Variants in PHF2 observed in about 807,000 individuals in gnomAD.
PHF2 encodes the protein lysine-specific demethylase PHF2.
Under a neutral mutation model 120.5 loss-of-function variants are expected in PHF2, and 27 were observed. The observed-to-expected ratio is 0.22, with a 90% confidence interval of 0.17 to 0.31. PHF2 has a LOEUF of 0.31. Among genes scored for constraint, PHF2 ranks in the 10% least tolerant of loss-of-function variants. The pLI, the probability that PHF2 is intolerant of heterozygous loss-of-function variation, is 1.00. For missense variants in PHF2, 1,024 were observed against 1,434.8 expected (o/e 0.71, Z 4.63); for synonymous variants, 568 against 592.5 (o/e 0.96, Z 0.60).
chr9:93,615,234 G>A (rs1825710512), intron 1 of PHF2, among the ~76,000 whole-genome samples: 1 of 150,518 alleles, frequency 6.6e-6, no homozygotes, highest in African/African-American at 2.5e-5. Flanking sequence ...TAATGGTGAT[G>A]GTGATGGTGT....
rs140314919 is a variant in PHF2, at chr9:93,627,923, C to A, written c.99-2047C>A. Among the ~76,000 whole-genome samples, 357 of 152,342 alleles carry A rather than the reference C, an allele frequency of 2.3e-3. 3 individuals are homozygous for A. Among genetic ancestry groups the A allele is most frequent in the African/African-American group, 7.9e-3 (329 of 41,580 alleles). On this transcript the variant is annotated intron_variant, in intron 1 of 21. Transcript: ENST00000359246. Reference sequence around the variant, plus strand: ...CCTGCTGCTTCTTGTATTTTACCCACTTGGGGAGATCTGTCCTCCAGGGTG... The same window carrying A: ...CCTGCTGCTTCTTGTATTTTACCCAATTGGGGAGATCTGTCCTCCAGGGTG...
At chr9:93,593,157 C>T (rs4146138) in intron 1 of PHF2, among the ~76,000 whole-genome samples, 21,125 of 149,292 alleles carry the variant, frequency 0.14, 3,313 homozygotes, top group African/African-American at 0.38. Flanking sequence ...TCCAGCAGGA[C>T]GGGACATGGC....
At chr9:93,607,039 CT>C (rs1825553928) in intron 1 of PHF2, among the ~76,000 whole-genome samples, 1 of 152,138 alleles carries the variant, frequency 6.6e-6, no homozygotes, top group African/African-American at 2.4e-5. Flanking sequence ...GCTCTGTATT[CT>C]GTCCCATTAA....
At chr9:93,676,556 C>G (rs536661338) in intron 20 of PHF2, 38 bp from the exon 21 acceptor site, 5 of 1,556,330 alleles carry the variant, frequency 3.2e-6, no homozygotes, top group Non-Finnish European at 4.4e-6. Flanking sequence ...CCCAAGTGGG[C>G]TGTGCGTCTG....
Position 93,677,743 on chromosome 9 carries a change from C to G in PHF2, c.*67C>G, listed in dbSNP as rs1286787722. Reference sequence around the variant, plus strand: ...CGGAGCCCCGCGAAAACATCTGCCTCCCAGGAGGGTGCCGAGCTGCCTCAC... The same window carrying G: ...CGGAGCCCCGCGAAAACATCTGCCTGCCAGGAGGGTGCCGAGCTGCCTCAC... On this transcript the variant is annotated 3_prime_UTR_variant, in exon 22 of 22. Transcript: ENST00000359246. This position sits in a 1 kb window ranked among gnomAD's most constrained non-coding sequence, Gnocchi z 4.4. 2.4e-6 allele frequency: 3 copies of G among 1,242,076 alleles called. No individual in the cohort carries two copies. Among genetic ancestry groups the G allele is most frequent in the Non-Finnish European group, 3.5e-6 (3 of 855,032 alleles). 76.9% of individuals were successfully genotyped at this position (1,242,076 alleles called of 1,614,324 possible). A position where few individuals can be genotyped will look rare whatever the true frequency, so the allele number is the denominator to read the frequency against.
At chr9:93,578,411 G>T (rs1000163363) in intron 1 of PHF2, among the ~76,000 whole-genome samples, 1 of 152,222 alleles carries the variant, frequency 6.6e-6, no homozygotes, top group Non-Finnish European at 1.5e-5. Context: ...GTGAGTGAGA[G>T]CCTCTAAGGC....
intron 1 of PHF2, among the ~76,000 whole-genome samples, chr9:93,595,495 G>C (rs993691102): frequency 6.6e-6 from 1 of 152,208 alleles, no homozygotes; most frequent in Non-Finnish European, 1.5e-5. Flanking sequence ...TTTAGGATTT[G>C]GAGTCACAGA....
intron 1 of PHF2, among the ~76,000 whole-genome samples, chr9:93,610,135 T>G (rs1002081125): frequency 6.6e-6 from 1 of 152,170 alleles, no homozygotes; most frequent in Non-Finnish European, 1.5e-5. Flanking sequence ...ATCTGTGGTT[T>G]GCTTGCTGTT....
intron 1 of PHF2, among the ~76,000 whole-genome samples, chr9:93,579,051 C>A (rs532041046): frequency 1.3e-5 from 2 of 152,182 alleles, no homozygotes; most frequent in African/African-American, 4.8e-5. Context: ...TTGTTCTGGG[C>A]AGGTGTGTGA....
intron 12 of PHF2, among the ~76,000 whole-genome samples, chr9:93,662,386 A>G (rs1380605539): frequency 1.4e-5 from 2 of 147,390 alleles, no homozygotes; most frequent in African/African-American, 5.0e-5. Flanking sequence ...GAGATGGATA[A>G]ATGGATGAGT....
At chr9:93,623,148 T>C (rs1349889787) in intron 1 of PHF2, among the ~76,000 whole-genome samples, 2 of 152,160 alleles carry the variant, frequency 1.3e-5, no homozygotes, top group African/African-American at 4.8e-5. Context: ...GTTGTGGCTG[T>C]GGATGTGGAT....
intron 1 of PHF2, among the ~76,000 whole-genome samples, chr9:93,585,880 C>T (rs949585398): frequency 6.6e-6 from 1 of 152,240 alleles, no homozygotes; most frequent in Non-Finnish European, 1.5e-5. Context: ...TAACCAGGAA[C>T]GTGGGGCCTG....
chr9:93,647,381 C>T lies in PHF2; in HGVS notation c.460+1592C>T, dbSNP rs542662165. 2.7e-3 allele frequency among the ~76,000 whole-genome samples: 418 copies of T among 152,338 alleles called. 2 individuals carry two copies. The highest frequency in any genetic ancestry group is 3.2e-3 in the Non-Finnish European group (221 of 68,034). On this transcript the variant is annotated intron_variant, in intron 4 of 21. Transcript: ENST00000359246. ...TCCCCTGGCCGTGTTCCCTCCACAG[C>T]TGTCCCTGCAGAAGCAGGGAGGAGA... is the stretch of plus-strand genomic sequence containing the variant.
chr9:93,644,067 A>G (rs908075509), intron 3 of PHF2, among the ~76,000 whole-genome samples: 1 of 152,088 alleles, frequency 6.6e-6, no homozygotes, highest in Middle Eastern at 3.4e-3. Flanking sequence ...GACAACCCGC[A>G]GACTACACCA....
At chr9:93,649,398 T>TTTTA (rs71511670) in intron 5 of PHF2, among the ~76,000 whole-genome samples, 186 bp downstream of exon 5, 2 of 137,680 alleles carry the variant, frequency 1.5e-5, no homozygotes, top group Non-Finnish European at 3.1e-5. Context: ...TTTTTTTTTT[T>TTTTA]ATAAGACTGG....
At chr9:93,578,557 C>T (rs183777714) in intron 1 of PHF2, among the ~76,000 whole-genome samples, 100 of 152,348 alleles carry the variant, frequency 6.6e-4, no homozygotes, top group Non-Finnish European at 2.4e-4. Flanking sequence ...TTCTGGGCAC[C>T]TGTGTCAGCT....
At chr9:93,612,661 T>C (rs200945947) in intron 1 of PHF2, among the ~76,000 whole-genome samples, 1 of 152,258 alleles carries the variant, frequency 6.6e-6, no homozygotes, top group African/African-American at 2.4e-5. Context: ...GGAGGTTTCC[T>C]TTAGGTACAT....
chr9:93,594,181 A>G (rs568129940), intron 1 of PHF2, among the ~76,000 whole-genome samples: 15 of 78,618 alleles, frequency 1.9e-4, no homozygotes, highest in Middle Eastern at 7.2e-3. Flanking sequence ...CCCTCTTCTC[A>G]TGTGACCCCC....
chr9:93,638,645 A>G (rs567716049), intron 3 of PHF2, among the ~76,000 whole-genome samples: 42 of 152,386 alleles, frequency 2.8e-4, no homozygotes, highest in Admixed American at 2.4e-3. Context: ...TGCTTATGCC[A>G]GTACCACACA....
Sources: allele counts gnomAD v4.1 joint callset (sites outside exome capture counted in the v4.1 genomes callset), GRCh38; gene constraint gnomAD v4.1.1; non-coding constraint Gnocchi (gnomAD v3.1); transcripts MANE v1.5; gene names NCBI Gene and HGNC (gene_info 2026-07-23, HGNC 2026-07-21).